The following CUL3 variants were observed in gnomAD, a reference collection of about 807,000 sequenced individuals.
The protein encoded by CUL3 is cullin-3.
CUL3 carries 19 observed loss-of-function variants against 89.1 expected under a neutral mutation model. The observed-to-expected ratio is 0.21, with a 90% CI of 0.15 to 0.31. The LOEUF is 0.31. CUL3 is among the 10% of genes least tolerant of loss of function. CUL3 has a pLI of 1.00. For synonymous variants in CUL3, 351 were observed against 308.4 expected (o/e 1.14, Z -1.45); for missense variants, 469 against 942.3 (o/e 0.50, Z 6.58).
intron 4 of CUL3, among the ~76,000 whole-genome samples, chr2:224,514,087 T>C (rs1692943652): frequency 6.6e-6 from 1 of 152,164 alleles, no homozygotes; most frequent in Non-Finnish European, 1.5e-5. Context: ...CAACAGCTGT[T>C]CTGAAAACAG....
intron 15 of CUL3, among the ~76,000 whole-genome samples, chr2:224,475,269 G>A (rs189872663): frequency 2.0e-5 from 3 of 152,208 alleles, no homozygotes; most frequent in East Asian, 1.9e-4. Flanking sequence ...TGCCTGCCTC[G>A]GCCTCCCAAA....
chr2:224,540,229 G>C (rs1310070885), intron 2 of CUL3, among the ~76,000 whole-genome samples: 1 of 151,842 alleles, frequency 6.6e-6, no homozygotes, highest in East Asian at 1.9e-4. Context: ...GCTAATTTTT[G>C]TATTTTTAGT....
chr2:224,498,689 T>G, intron 11 of CUL3, among the ~76,000 whole-genome samples: 1 of 152,142 alleles, frequency 6.6e-6, no homozygotes, highest in East Asian at 1.9e-4. Flanking sequence ...GATTCACTAT[T>G]ACAATAAGGA....
chr2:224,497,880 TCAAA>T (rs1338662766), intron 11 of CUL3, 31 bp from the exon 12 acceptor site: 2 of 1,510,358 alleles, frequency 1.3e-6, no homozygotes, highest in African/African-American at 1.4e-5. Flanking sequence ...TTTTAGAAAA[TCAAA>T]CAAACTTACA....
chr2:224,583,293 G>A (rs147704247), intron 1 of CUL3, among the ~76,000 whole-genome samples: 2 of 152,092 alleles, frequency 1.3e-5, no homozygotes, highest in African/African-American at 2.4e-5. Context: ...CCCAGGAGGC[G>A]GAGGTTGCGG....
At chr2:224,545,071 T>C (rs1182949208) in intron 2 of CUL3, among the ~76,000 whole-genome samples, 4 of 152,144 alleles carry the variant, frequency 2.6e-5, no homozygotes, top group Non-Finnish European at 4.4e-5. Flanking sequence ...TAATATAAAT[T>C]TGGTTAACAG....
At chr2:224,475,468 T>G (rs1290611299) in intron 15 of CUL3, among the ~76,000 whole-genome samples, 1 of 152,250 alleles carries the variant, frequency 6.6e-6, no homozygotes, top group Admixed American at 6.5e-5. Context: ...CCATGTTCTT[T>G]GCTCTAATGC....
intron 5 of CUL3, among the ~76,000 whole-genome samples, chr2:224,511,886 A>C (rs1364191372): frequency 6.6e-6 from 1 of 152,202 alleles, no homozygotes; most frequent in Admixed American, 6.5e-5. Flanking sequence ...AAAGCTTAGA[A>C]GCATCTGACT....
intron 1 of CUL3, among the ~76,000 whole-genome samples, chr2:224,564,930 C>T (rs887902144): frequency 6.6e-6 from 1 of 152,130 alleles, no homozygotes; most frequent in Admixed American, 6.5e-5. Context: ...GAAACATAAG[C>T]CTTATATTTT....
intron 1 of CUL3, among the ~76,000 whole-genome samples, chr2:224,571,653 CA>C (rs11289364): frequency 0.19 from 28,880 of 151,766 alleles, 3,057 homozygotes; most frequent in South Asian, 0.27. Flanking sequence ...GTCAACTCAC[CA>C]AAAAAAATGT....
At chr2:224,522,349 G>A (rs1325699154) in intron 3 of CUL3, among the ~76,000 whole-genome samples, 1 of 152,152 alleles carries the variant, frequency 6.6e-6, no homozygotes, top group Non-Finnish European at 1.5e-5. Flanking sequence ...TTAGATCGAA[G>A]TTTAAAGAAC....
At chr2:224,516,974 C>A (rs752916930) in intron 3 of CUL3, among the ~76,000 whole-genome samples, 1 of 152,102 alleles carries the variant, frequency 6.6e-6, no homozygotes, top group African/African-American at 2.4e-5. Context: ...GACCTCCAGG[C>A]CCAACCTTTT....
intron 2 of CUL3, among the ~76,000 whole-genome samples, chr2:224,543,533 C>T (rs1291306348): frequency 1.3e-5 from 2 of 152,098 alleles, no homozygotes; most frequent in Non-Finnish European, 2.9e-5. Context: ...CACTTGGAGG[C>T]CACTCGTGTT....
intron 14 of CUL3, chr2:224,479,356 A>T (rs1243734646): frequency 3.6e-5 from 5 of 140,110 alleles, no homozygotes; most frequent in Non-Finnish European, 4.6e-5. Context: ...ATATCTTAGT[A>T]AAAAAAAAAA....
At chr2:224,530,009 C>A (rs764065628) in intron 3 of CUL3, among the ~76,000 whole-genome samples, 1 of 151,862 alleles carries the variant, frequency 6.6e-6, no homozygotes, top group Non-Finnish European at 1.5e-5. Flanking sequence ...GAGGCCAAGG[C>A]GGGCAGATCA....
At chr2:224,553,710 T>A (rs1210119523) in intron 2 of CUL3, among the ~76,000 whole-genome samples, 2 of 152,184 alleles carry the variant, frequency 1.3e-5, no homozygotes, top group East Asian at 3.9e-4. Flanking sequence ...CCTCTCTCCC[T>A]CCCTGCCCTG....
In CUL3 at chr2:224,500,352, T is replaced by C; in HGVS notation, c.1610+11A>G. The C allele has an allele frequency of 2.5e-6, 4 of 1,613,894 alleles. No homozygotes were observed. Among genetic ancestry groups the C allele is most frequent in the Non-Finnish European group, 2.5e-6 (3 of 1,179,860 alleles). On this transcript the variant is annotated intron_variant, in intron 11 of 15. Coordinates refer to ENST00000264414, the MANE Select transcript of CUL3 (RefSeq NM_003590.5). ...TTGTACACAGTGATACAAAGTCTGA[T>C]TTTGATTTACCTTCTGAATATCTCA...
Position 224,471,658 on chromosome 2 carries a change from C to G in CUL3, c.*2587G>C, listed in dbSNP as rs1362393233. 1.4e-5 allele frequency: 3 copies of G among 215,884 alleles called. No homozygotes were observed. The East Asian group carries it at 2.1e-4, about 15-fold the overall frequency. 13.4% of individuals were successfully genotyped at this position (215,884 alleles called of 1,614,324 possible). On this transcript the variant is annotated 3_prime_UTR_variant, in exon 16 of 16. Coordinates refer to ENST00000264414, the MANE Select transcript of CUL3 (RefSeq NM_003590.5). ...TTCCCCCATTCCCTTTTTAAGTTCA[C>G]TGACATAAAGAATCCTTGCAATCAC...
In CUL3 at chr2:224,485,987, C is replaced by CAG. The variant is rs1691706084; in HGVS notation, c.1843-3911_1843-3910dup. Among the ~76,000 whole-genome samples the CAG allele has an allele frequency of 6.6e-6, 1 of 152,226 alleles. No homozygotes were observed. The highest frequency in any genetic ancestry group is 2.4e-5 in the African/African-American group (1 of 41,456). Reference sequence around the variant, plus strand: ...GTGAACAGGGTCTGGAGTGGACCTCCAGCAAACTGCAGCAGACCTGCAGAA... The same window carrying CAG: ...GTGAACAGGGTCTGGAGTGGACCTCCAGAGCAAACTGCAGCAGACCTGCAGAA... On this transcript the variant is annotated intron_variant, in intron 13 of 15. Transcript: ENST00000264414. The surrounding 1 kb of genome is among the most constrained non-coding windows in gnomAD (Gnocchi z 4.1).
Sources: gnomAD v4.1 joint callset for allele counts (sites outside exome capture counted in the v4.1 genomes callset) on GRCh38, gnomAD v4.1.1 for gene constraint, Gnocchi (gnomAD v3.1) non-coding constraint, MANE v1.5 for transcripts, NCBI Gene and HGNC (gene_info 2026-07-23, HGNC 2026-07-21) for gene names.